Variants in MAP3K4 observed in about 807,000 individuals in gnomAD.
MAP3K4 encodes the protein MAP three kinase 1.
In MAP3K4, 67 loss-of-function variants were observed where a neutral mutation model predicts 185.6. The ratio of observed to expected loss-of-function variants is 0.36; its 90% CI spans 0.30 to 0.44. The LOEUF is 0.44. MAP3K4 is among the 20% of genes least tolerant of loss of function. MAP3K4 has a pLI of 1.00. For missense variants in MAP3K4, 1,551 were observed against 1,995.1 expected, an observed-to-expected ratio of 0.78 and a Z score of 4.24; for synonymous variants, 702 against 710.4, an observed-to-expected ratio of 0.99 and a Z score of 0.19.
Position 161,007,437 on chromosome 6 carries a change from C to T in MAP3K4, c.152+15354C>T, listed in dbSNP as rs927434694. ...GGACATGGTGGTCCTTTGAGGTTAG[C>T]CATTTCTTGGAACACAGAACGTGGA... On this transcript the variant is annotated intron_variant, in intron 1 of 26. Transcript: ENST00000392142. The surrounding 1 kb of genome is among the most constrained non-coding windows in gnomAD (Gnocchi z 4.5). Among the ~76,000 whole-genome samples, 1 of 152,132 alleles carries T rather than the reference C, an allele frequency of 6.6e-6. No individual in the cohort carries two copies. The highest frequency in any genetic ancestry group is 2.4e-5 in the African/African-American group (1 of 41,418).
chr6:161,018,734 A>G (rs144963576), intron 1 of MAP3K4, among the ~76,000 whole-genome samples: 76 of 152,356 alleles, frequency 5.0e-4, no homozygotes, highest in African/African-American at 1.7e-3. Flanking sequence ...AAATTAGTCA[A>G]TAGTAACAAT....
At chr6:161,072,931 T>C (rs1230431830) in intron 4 of MAP3K4, among the ~76,000 whole-genome samples, 2 of 152,196 alleles carry the variant, frequency 1.3e-5, no homozygotes, top group Non-Finnish European at 1.5e-5. Context: ...TCTAATTCCA[T>C]CACATAATAT....
Position 161,049,735 on chromosome 6 carries a change from A to G in MAP3K4, c.1463A>G (p.Asp488Gly), listed in dbSNP as rs1454631945. 1 of 1,614,140 alleles carries G rather than the reference A, an allele frequency of 6.2e-7. No individual in the cohort carries two copies. Among genetic ancestry groups the G allele is most frequent in the East Asian group, 2.2e-5 (1 of 44,876 alleles). ...IDNSFDIQSR[D>G]CISKKLERLE... ...AACAGCTTCGACATCCAGTCGCGGG[A>G]CTGCATATCCAAGAAGCTTGAGAGG... The change falls in exon 3 of 27, where the codon GAC (aspartate) becomes GGC (glycine). Residue 488 changes from aspartate to glycine, a missense_variant. Physicochemically the swap from Asp to Gly is moderately conservative, Grantham distance 94. Coordinates refer to ENST00000392142, the MANE Select transcript of MAP3K4 (RefSeq NM_005922.4). This position sits in a 1 kb window ranked among gnomAD's most constrained non-coding sequence, Gnocchi z 8.4.
In MAP3K4 at chr6:161,056,476, C is replaced by T. The variant is rs1452581958; in HGVS notation, c.1707+6497C>T. On this transcript the variant is annotated intron_variant, in intron 3 of 26. Coordinates refer to ENST00000392142, the MANE Select transcript of MAP3K4 (RefSeq NM_005922.4). This position sits in a 1 kb window ranked among gnomAD's most constrained non-coding sequence, Gnocchi z 5.4. ...ATCATGAGTTCATACTGATGTCTTTCGCTCTGATTCAGCACAAGGTTCATT... is the reference window on the plus strand; with the variant it reads ...ATCATGAGTTCATACTGATGTCTTTTGCTCTGATTCAGCACAAGGTTCATT... 6.6e-6 allele frequency among the ~76,000 whole-genome samples: 1 copy of T among 152,162 alleles called. No individual in the cohort carries two copies. The highest frequency in any genetic ancestry group is 2.1e-4 in the South Asian group (1 of 4,822).
chr6:160,998,120 C>G (rs895164742), intron 1 of MAP3K4, among the ~76,000 whole-genome samples: 30 of 152,176 alleles, frequency 2.0e-4, no homozygotes, highest in Admixed American at 3.3e-4. Context: ...AATTCTTTTG[C>G]CTTGGCCTCC....
Position 160,996,833 on chromosome 6 carries a change from A to G in MAP3K4, c.152+4750A>G, listed in dbSNP as rs900591580. Among the ~76,000 whole-genome samples, 2 of 152,130 alleles carry G rather than the reference A, an allele frequency of 1.3e-5. No homozygotes were observed. Among genetic ancestry groups the G allele is most frequent in the African/African-American group, 4.8e-5 (2 of 41,428 alleles). On this transcript the variant is annotated intron_variant, in intron 1 of 26. Transcript: ENST00000392142. The surrounding 1 kb of genome is among the most constrained non-coding windows in gnomAD (Gnocchi z 4.5). Reference sequence around the variant, plus strand: ...TAGAAAGCCAAAGTATAATTAAGAGATTGATTAGTAAGCATGATATTAGCA... The same window carrying G: ...TAGAAAGCCAAAGTATAATTAAGAGGTTGATTAGTAAGCATGATATTAGCA...
Position 161,067,309 on chromosome 6 carries a change from C to G in MAP3K4, c.1708-3299C>G. The stretch of plus-strand genomic sequence containing the variant: ...TTGCAGGTCACAGGTAGGTAAGAGA[C>G]AAAACGTTACATTTTTTTGAATTTC... On this transcript the variant is annotated intron_variant, in intron 3 of 26. Transcript: ENST00000392142. The surrounding 1 kb of genome is among the most constrained non-coding windows in gnomAD (Gnocchi z 6.3). 1 of 410,462 alleles carries G rather than the reference C, an allele frequency of 2.4e-6. No homozygotes were observed. The highest frequency in any genetic ancestry group is 3.5e-4 in the Middle Eastern group (1 of 2,866). The allele number at this position is 410,462 out of a possible 1,614,324, so 25.4% of individuals were successfully genotyped here.
At chr6:161,019,629 G>C (rs934401903) in intron 1 of MAP3K4, among the ~76,000 whole-genome samples, 3 of 152,158 alleles carry the variant, frequency 2.0e-5, no homozygotes, top group African/African-American at 7.2e-5. Flanking sequence ...GGCCGGTCTT[G>C]AACTCCTGAC....
rs1784638607 is a variant in MAP3K4 at position 161,064,904 on chromosome 6, C to T, written c.1708-5704C>T. Among the ~76,000 whole-genome samples, 1 of 152,148 alleles carries T rather than the reference C, an allele frequency of 6.6e-6. No homozygotes were observed. ...GAGGGAGGGACCCATGGGCCAATGC[C>T]TTCGTGGAGTCCAAGGTATTGTCCA... On this transcript the variant is annotated intron_variant, in intron 3 of 26. Transcript: ENST00000392142. The surrounding 1 kb of genome is among the most constrained non-coding windows in gnomAD (Gnocchi z 4.3).
At chr6:161,078,231 T>C (rs556212961) in intron 5 of MAP3K4, among the ~76,000 whole-genome samples, 10 of 152,302 alleles carry the variant, frequency 6.6e-5, no homozygotes, top group African/African-American at 2.2e-4. Flanking sequence ...AGAAATGTTA[T>C]GTGGCTGGTG....
chr6:161,115,948 A>G lies in MAP3K4; in HGVS notation c.4806+646A>G, dbSNP rs574527292. Among the ~76,000 whole-genome samples the G allele has an allele frequency of 7.9e-4, 121 of 152,292 alleles. No individual in the cohort carries two copies. Among genetic ancestry groups the G allele is most frequent in the African/African-American group, 2.7e-3 (113 of 41,558 alleles). ...GGAGTTTCCATTTTATTATAAACATAAATGATGACATAGAGTTTTAGAAAG... is the reference window on the plus strand; with the variant it reads ...GGAGTTTCCATTTTATTATAAACATGAATGATGACATAGAGTTTTAGAAAG... On this transcript the variant is annotated intron_variant, in intron 26 of 26. Transcript: ENST00000392142. The surrounding 1 kb of genome is among the most constrained non-coding windows in gnomAD (Gnocchi z 6.0).
chr6:160,995,953 A>T (rs1241317328), intron 1 of MAP3K4, among the ~76,000 whole-genome samples: 1 of 152,216 alleles, frequency 6.6e-6, no homozygotes, highest in Non-Finnish European at 1.5e-5. Flanking sequence ...TTAACAATTA[A>T]CTTTTTTTAA....
In MAP3K4 at chr6:161,073,679, A is replaced by G. The variant is rs1300652547; in HGVS notation, c.2097+67A>G. On this transcript the variant is annotated intron_variant, in intron 5 of 26. Coordinates refer to ENST00000392142, the MANE Select transcript of MAP3K4 (RefSeq NM_005922.4). The surrounding 1 kb of genome is among the most constrained non-coding windows in gnomAD (Gnocchi z 4.2). Reference sequence around the variant, plus strand: ...TCTTTTTTTAAAAAAGTAAGCCTGTATTTCCTTGTTTTGCAAACAGCGTTG... The same window carrying G: ...TCTTTTTTTAAAAAAGTAAGCCTGTGTTTCCTTGTTTTGCAAACAGCGTTG... The G allele has an allele frequency of 3.3e-6, 5 of 1,536,462 alleles. No individual in the cohort carries two copies. In the East Asian group the frequency reaches 6.9e-5, roughly 21 times the overall value.
At position 161,077,246 on chromosome 6, in the gene MAP3K4, A is replaced by G. The variant is rs189297801; in HGVS notation, c.2097+3634A>G. 6.6e-6 allele frequency among the ~76,000 whole-genome samples: 1 copy of G among 152,294 alleles called. No individual in the cohort carries two copies. Among genetic ancestry groups the G allele is most frequent in the East Asian group, 1.9e-4 (1 of 5,182 alleles). On this transcript the variant is annotated intron_variant, in intron 5 of 26. Transcript: ENST00000392142. This position sits in a 1 kb window ranked among gnomAD's most constrained non-coding sequence, Gnocchi z 4.3. ...TGAAGAGAGAACAAAGGAGAAACTA[A>G]CTTTCTGGTACCTTATTTCTTATTG...
At chr6:161,044,842 C>G (rs1204752284) in intron 2 of MAP3K4, among the ~76,000 whole-genome samples, 1 of 152,124 alleles carries the variant, frequency 6.6e-6, no homozygotes, top group East Asian at 1.9e-4. Context: ...AGAGAGGGAA[C>G]AAGAGAGAGC....
In MAP3K4 at chr6:161,074,052, A is replaced by G. The variant is rs1327983001; in HGVS notation, c.2097+440A>G. 1.3e-5 allele frequency among the ~76,000 whole-genome samples: 2 copies of G among 152,180 alleles called. No individual in the cohort carries two copies. Among genetic ancestry groups the G allele is most frequent in the Non-Finnish European group, 2.9e-5 (2 of 68,036 alleles). The stretch of plus-strand genomic sequence containing the variant: ...ACCTAGGATGTGCTAGGGACCTTGC[A>G]TGGCTCTGGGAGTGTTGAAGATCAA... On this transcript the variant is annotated intron_variant, in intron 5 of 26. Coordinates refer to ENST00000392142, the MANE Select transcript of MAP3K4 (RefSeq NM_005922.4). This position sits in a 1 kb window ranked among gnomAD's most constrained non-coding sequence, Gnocchi z 5.0.
In MAP3K4 at chr6:161,068,789, G is replaced by A. The variant is rs532792868; in HGVS notation, c.1708-1819G>A. On this transcript the variant is annotated intron_variant, in intron 3 of 26. Transcript: ENST00000392142. Reference sequence around the variant, plus strand: ...GAAAAGTGTGGAAGGCCATGAATGAGCATTAATTAGTGAAAGCCAAGCTGT... The same window carrying A: ...GAAAAGTGTGGAAGGCCATGAATGAACATTAATTAGTGAAAGCCAAGCTGT... Among the ~76,000 whole-genome samples, 84 of 152,302 alleles carry A rather than the reference G, an allele frequency of 5.5e-4. 1 individual carries two copies. Among genetic ancestry groups the A allele is most frequent in the Non-Finnish European group, 1.8e-4 (12 of 68,026 alleles).
At chr6:161,066,998 G>C (rs1241001518) in intron 3 of MAP3K4, among the ~76,000 whole-genome samples, 1 of 152,206 alleles carries the variant, frequency 6.6e-6, no homozygotes, top group African/African-American at 2.4e-5. Flanking sequence ...AGAGGCGGTG[G>C]AGGGAAGCAT....
chr6:161,042,171 T>C (rs919547680), intron 2 of MAP3K4, among the ~76,000 whole-genome samples: 1 of 152,104 alleles, frequency 6.6e-6, no homozygotes, highest in Admixed American at 6.5e-5. Context: ...ATCTACACAG[T>C]CCCTTCTTAG....
Sources: allele counts gnomAD v4.1 joint callset (sites outside exome capture counted in the v4.1 genomes callset), GRCh38; gene constraint gnomAD v4.1.1; non-coding constraint Gnocchi (gnomAD v3.1); transcripts MANE v1.5; gene names NCBI Gene and HGNC (gene_info 2026-07-23, HGNC 2026-07-21).